TAB2: variants seen among roughly 807,000 people sequenced by gnomAD.
The protein encoded by TAB2 is TGF-beta-activated kinase 1 and MAP3K7-binding protein 2.
In TAB2, 3 loss-of-function variants were observed where a neutral mutation model predicts 65.0. The observed-to-expected ratio is 0.05, with a 90% confidence interval of 0.02 to 0.12. The LOEUF (loss-of-function observed/expected upper bound fraction) is 0.12, where lower values mean the gene tolerates loss of function less well. TAB2 is among the 10% of genes least tolerant of loss of function. TAB2 has a pLI of 1.00. For synonymous variants in TAB2, 298 were observed against 285.1 expected, an observed-to-expected ratio of 1.05 and a Z score of -0.46; for missense variants, 623 against 840.3, an observed-to-expected ratio of 0.74 and a Z score of 3.20.
At chr6:149,218,961 G>T (rs1235206787) in intron 1 of TAB2, among the ~76,000 whole-genome samples, 1 of 152,146 alleles carries the variant, frequency 6.6e-6, no homozygotes, top group Non-Finnish European at 1.5e-5. Flanking sequence ...CTTGCATCCT[G>T]CCAGCAAAAA....
chr6:149,383,367 C>T (rs932659986), intron 3 of TAB2, among the ~76,000 whole-genome samples: 2 of 152,164 alleles, frequency 1.3e-5, no homozygotes, highest in East Asian at 1.9e-4. Context: ...TAACAGCCTT[C>T]GGACAGCTCT....
rs2114882987 is a variant in TAB2, at chr6:149,378,237, A to G, written c.322A>G (p.Ser108Gly). 6.2e-7 allele frequency: 1 copy of G among 1,614,246 alleles called. No individual in the cohort carries two copies. Among genetic ancestry groups the G allele is most frequent in the Non-Finnish European group, 8.5e-7 (1 of 1,180,038 alleles). ...NGSRTLTHSISDGQLQGGQSN... is the reference protein window; with the variant it reads ...NGSRTLTHSIGDGQLQGGQSN... The stretch of plus-strand genomic sequence containing the variant: ...AAGTAGGACTCTAACGCACAGCATT[A>G]GTGATGGACAACTTCAAGGTGGCCA... The change falls in exon 3 of 7, where the codon AGT (serine) becomes GGT (glycine). Residue 108 changes from serine (S) to glycine (G), a missense_variant. Around this residue, in one of 3 missense-constraint regions of TAB2, gnomAD observed 550 missense variants for 665.7 expected, o/e 0.83. Transcript: ENST00000637181.
At chr6:149,372,083 C>T (rs549074657) in intron 2 of TAB2, among the ~76,000 whole-genome samples, 2 of 152,136 alleles carry the variant, frequency 1.3e-5, no homozygotes, top group South Asian at 4.2e-4. Flanking sequence ...AAGAACTGTC[C>T]AGAGCATTTC....
At chr6:149,247,443 G>A (rs191818372) in intron 1 of TAB2, 7 of 152,258 alleles carry the variant, frequency 4.6e-5, no homozygotes, top group Admixed American at 3.9e-4. Flanking sequence ...GGGTCCTCTC[G>A]TCAGCCAAAC....
At chr6:149,281,976 C>T (rs1019448637) in intron 1 of TAB2, among the ~76,000 whole-genome samples, 1 of 152,122 alleles carries the variant, frequency 6.6e-6, no homozygotes, top group Non-Finnish European at 1.5e-5. Context: ...TATGCATTTT[C>T]TAACTTTAAA....
intron 1 of TAB2, among the ~76,000 whole-genome samples, chr6:149,339,141 G>A (rs565172428): frequency 9.5e-4 from 144 of 152,202 alleles, no homozygotes; most frequent in African/African-American, 3.3e-3. Context: ...CGAGACGGGC[G>A]GATCATGAGA....
chr6:149,361,665 G>A (rs1030150629), intron 1 of TAB2, among the ~76,000 whole-genome samples: 2 of 152,064 alleles, frequency 1.3e-5, no homozygotes, highest in African/African-American at 4.8e-5. Context: ...TTCCTCTCCC[G>A]AAAAAGCCTT....
intron 1 of TAB2, among the ~76,000 whole-genome samples, chr6:149,284,196 G>A (rs767486422): frequency 2.0e-5 from 3 of 152,122 alleles, no homozygotes; most frequent in South Asian, 2.1e-4. Context: ...GCATCACCAC[G>A]GGCTTTGTGC....
At chr6:149,366,462 A>T (rs1056168811) in intron 1 of TAB2, among the ~76,000 whole-genome samples, 1 of 152,232 alleles carries the variant, frequency 6.6e-6, no homozygotes, top group South Asian at 2.1e-4. Context: ...TGTTATGATC[A>T]TGCCATTGTC....
intron 1 of TAB2, among the ~76,000 whole-genome samples, chr6:149,330,619 A>G (rs1779754128): frequency 1.3e-5 from 2 of 152,058 alleles, no homozygotes; most frequent in Non-Finnish European, 1.5e-5. Context: ...CTCATATTCT[A>G]ATTGAATTGT....
chr6:149,351,764 G>A (rs2114807371), intron 1 of TAB2, among the ~76,000 whole-genome samples: 1 of 152,270 alleles, frequency 6.6e-6, no homozygotes, highest in African/African-American at 2.4e-5. Flanking sequence ...TACTTAGCCA[G>A]CTATCACTGT....
At chr6:149,334,745 T>A (rs563774802) in intron 1 of TAB2, among the ~76,000 whole-genome samples, 8 of 152,008 alleles carry the variant, frequency 5.3e-5, no homozygotes, top group Non-Finnish European at 8.8e-5. Flanking sequence ...TGTTAGGTGA[T>A]TGCCCAGATA....
At position 149,378,104 on chromosome 6, in the gene TAB2, A is replaced by C; in HGVS notation, c.189A>C (p.Ser63=). Reference sequence around the variant, plus strand: ...ATGGTGAAGGAGACTTGAATTTTTCAGATGATTCTGGAATTTCTGGTCTAC... The same window carrying C: ...ATGGTGAAGGAGACTTGAATTTTTCCGATGATTCTGGAATTTCTGGTCTAC... ...YLYGEGDLNF[S]DDSGISGLRN... The change falls in exon 3 of 7, where the codon TCA becomes TCC. Residue 63 remains serine (S), a synonymous_variant. Transcript: ENST00000637181. The C allele has an allele frequency of 3.7e-6, 6 of 1,614,202 alleles. No homozygotes were observed. Among genetic ancestry groups the C allele is most frequent in the Non-Finnish European group, 5.1e-6 (6 of 1,180,014 alleles).
At chr6:149,288,660 A>G (rs1214176879) in intron 1 of TAB2, among the ~76,000 whole-genome samples, 16 of 152,170 alleles carry the variant, frequency 1.1e-4, no homozygotes. Flanking sequence ...CTTGAAATAC[A>G]CTTTATAAGT....
intron 1 of TAB2, among the ~76,000 whole-genome samples, chr6:149,271,050 T>A (rs975743317): frequency 6.6e-6 from 1 of 151,940 alleles, no homozygotes. Flanking sequence ...CTTTTTTTTT[T>A]CATTTTGACT....
intron 1 of TAB2, among the ~76,000 whole-genome samples, chr6:149,357,140 G>A (rs371511110): frequency 8.6e-5 from 13 of 151,684 alleles, no homozygotes; most frequent in African/African-American, 2.7e-4. Context: ...CATTTTAGCC[G>A]GGTGCAGTGG....
chr6:149,250,173 A>G (rs555516085), intron 1 of TAB2, among the ~76,000 whole-genome samples: 1 of 152,282 alleles, frequency 6.6e-6, no homozygotes, highest in African/African-American at 2.4e-5. Flanking sequence ...AGATCTTGAA[A>G]CAGCACAGAA....
chr6:149,267,157 A>C (rs1473238805), intron 1 of TAB2, among the ~76,000 whole-genome samples: 1 of 152,152 alleles, frequency 6.6e-6, no homozygotes, highest in Non-Finnish European at 1.5e-5. Flanking sequence ...AGGAGATTTG[A>C]GGGAGACTGG....
intron 1 of TAB2, among the ~76,000 whole-genome samples, chr6:149,262,902 C>T (rs1406200390): frequency 6.6e-6 from 1 of 152,044 alleles, no homozygotes; most frequent in Non-Finnish European, 1.5e-5. Flanking sequence ...CTCCTGGGTT[C>T]AAGCAATCCT....
Sources: allele counts gnomAD v4.1 joint callset (sites outside exome capture counted in the v4.1 genomes callset), GRCh38; gene constraint gnomAD v4.1.1; regional missense constraint gnomAD v4.1.1; transcripts MANE v1.5; gene names NCBI Gene and HGNC (gene_info 2026-07-23, HGNC 2026-07-21).